Variants in ADAMTS14 observed in about 807,000 individuals in gnomAD.
ADAMTS14 encodes ADAM metallopeptidase with thrombospondin type 1 motif 14.
In ADAMTS14, 100 loss-of-function variants were observed where a neutral mutation model predicts 128.6. The observed-to-expected ratio is 0.78, with a 90% CI of 0.66 to 0.92. The LOEUF (loss-of-function observed/expected upper bound fraction) is 0.92, where lower values mean the gene tolerates loss of function less well. Among genes scored for constraint, ADAMTS14 ranks in the 40% least tolerant of loss-of-function variants. The pLI, the probability that ADAMTS14 is intolerant of heterozygous loss-of-function variation, is 0.00. For synonymous variants in ADAMTS14, 665 were observed against 653.8 expected, an observed-to-expected ratio of 1.02 and a Z score of -0.26; for missense variants, 1,562 against 1,658.6, an observed-to-expected ratio of 0.94 and a Z score of 1.01.
chr10:70,752,684 G>A (rs1264682916), intron 18 of ADAMTS14, among the ~76,000 whole-genome samples: 5 of 152,164 alleles, frequency 3.3e-5, no homozygotes, highest in Non-Finnish European at 5.9e-5. Flanking sequence ...GACTGAGGCC[G>A]AGGGTGGCTG....
chr10:70,741,184 C>T (rs772962007), intron 12 of ADAMTS14, 22 bp downstream of exon 12: 2 of 1,609,504 alleles, frequency 1.2e-6, no homozygotes, highest in Non-Finnish European at 1.7e-6. Context: ...CCACCCCCCT[C>T]CCACTCCATG....
chr10:70,749,645 G>A (rs1268318698), intron 15 of ADAMTS14, among the ~76,000 whole-genome samples, 177 bp from the exon 16 acceptor site: 2 of 149,764 alleles, frequency 1.3e-5, no homozygotes, highest in African/African-American at 4.9e-5. Context: ...GTGCGCGCAC[G>A]TGGGTTTGAC....
intron 2 of ADAMTS14, among the ~76,000 whole-genome samples, chr10:70,679,666 G>A (rs868089977): frequency 6.6e-6 from 1 of 152,260 alleles, no homozygotes; most frequent in South Asian, 2.1e-4. Context: ...GGTGACGGGA[G>A]CTTGGCTGCA....
intron 3 of ADAMTS14, among the ~76,000 whole-genome samples, chr10:70,707,682 C>A (rs1840707997): frequency 6.6e-6 from 1 of 152,250 alleles, no homozygotes; most frequent in African/African-American, 2.4e-5. Flanking sequence ...TACTTAACAT[C>A]TTTGAACTTC....
Position 70,760,584 on chromosome 10 carries a change from G to A in ADAMTS14, c.3403G>A (p.Gly1135Arg). Residue 1135 changes from glycine to arginine, a missense_variant, in exon 22 of 22, where the codon GGA (glycine) becomes AGA (arginine). By Grantham distance (125) the Gly-to-Arg change is moderately radical (BLOSUM62 -2). Coordinates refer to ENST00000373207, the MANE Select transcript of ADAMTS14 (RefSeq NM_080722.4). ...QDPADAAEPPGKPTGSEDHQH... is the reference protein window; with the variant it reads ...QDPADAAEPPRKPTGSEDHQH... ...CCCTGCAGATGCTGCAGAGCCTCCT[G>A]GAAAGCCAACGGGATCAGAGGACCA... 6.2e-7 allele frequency: 1 copy of A among 1,613,894 alleles called. No homozygotes were observed. The highest frequency in any genetic ancestry group is 1.1e-5 in the South Asian group (1 of 91,062).
intron 8 of ADAMTS14, among the ~76,000 whole-genome samples, chr10:70,734,724 A>C (rs147924813): frequency 0.018 from 2,669 of 152,242 alleles, 31 homozygotes; most frequent in Non-Finnish European, 0.03. Context: ...AGGCAGAGAT[A>C]TAGTCACTAG....
chr10:70,744,257 C>T lies in ADAMTS14; in HGVS notation c.2182+68C>T, dbSNP rs902996811. On this transcript the variant is annotated intron_variant, in intron 14 of 21. Coordinates refer to ENST00000373207, the MANE Select transcript of ADAMTS14 (RefSeq NM_080722.4). The stretch of plus-strand genomic sequence containing the variant: ...AGTTCTTGCCGTCCCTCAGGGGGCC[C>T]TCCCTCCTTGAACTGTGCCACAGTC... The T allele has an allele frequency of 2.1e-6, 3 of 1,457,684 alleles. No individual in the cohort carries two copies. The African/African-American group carries it at 4.3e-5, about 21-fold the overall frequency. The allele number at this position is 1,457,684 out of a possible 1,614,324, so 90.3% of individuals were successfully genotyped here.
At chr10:70,744,222 G>A in intron 14 of ADAMTS14, 33 bp downstream of exon 14, 1 of 1,486,092 alleles carries the variant, frequency 6.7e-7, no homozygotes, top group Non-Finnish European at 9.0e-7. Context: ...GGATGACGAG[G>A]GCTGACTGGA....
intron 18 of ADAMTS14, among the ~76,000 whole-genome samples, chr10:70,752,651 G>C (rs1431971556): frequency 1.3e-5 from 2 of 152,160 alleles, no homozygotes; most frequent in South Asian, 2.1e-4. Flanking sequence ...CCTCCACCAG[G>C]CTTCCCTAGT....
At chr10:70,699,607 A>C (rs1382371765) in intron 2 of ADAMTS14, among the ~76,000 whole-genome samples, 2 of 152,144 alleles carry the variant, frequency 1.3e-5, no homozygotes, top group Non-Finnish European at 2.9e-5. Flanking sequence ...ATTGTGGGCC[A>C]GAAGGAGGGG....
intron 6 of ADAMTS14, among the ~76,000 whole-genome samples, chr10:70,731,091 C>CACACAT (rs1554820562): frequency 5.1e-4 from 77 of 151,006 alleles, no homozygotes; most frequent in South Asian, 1.9e-3. Context: ...CACACACACA[C>CACACAT]GTACAGACAT....
chr10:70,698,636 G>A (rs1840403148), intron 2 of ADAMTS14, among the ~76,000 whole-genome samples: 3 of 152,218 alleles, frequency 2.0e-5, no homozygotes, highest in Admixed American at 2.0e-4. Context: ...GCACGCAATG[G>A]GACAAGGACC....
intron 14 of ADAMTS14, among the ~76,000 whole-genome samples, chr10:70,744,636 C>G (rs935916226): frequency 6.6e-6 from 1 of 152,210 alleles, no homozygotes; most frequent in Admixed American, 6.5e-5. Flanking sequence ...ACTTTCCTCT[C>G]TACCTCCAAT....
chr10:70,750,909 G>T (rs1842330433), intron 16 of ADAMTS14, among the ~76,000 whole-genome samples: 1 of 152,156 alleles, frequency 6.6e-6, no homozygotes, highest in African/African-American at 2.4e-5. Flanking sequence ...GAAAAGAACA[G>T]AGGGGCAAAT....
At chr10:70,729,578 G>A (rs1290505250) in intron 5 of ADAMTS14, among the ~76,000 whole-genome samples, 1 of 152,116 alleles carries the variant, frequency 6.6e-6, no homozygotes, top group East Asian at 1.9e-4. Context: ...CCTACAATCT[G>A]AGAAACTGAC....
rs778750921 is a variant in ADAMTS14, at chr10:70,753,937, G to A, written c.2867G>A (p.Arg956Gln). The A allele has an allele frequency of 1.0e-5, 16 of 1,587,630 alleles. No homozygotes were observed. The highest frequency in any genetic ancestry group is 6.9e-5 in the South Asian group (6 of 86,592). ...CCGGCCAAAGCCTGCGCCGGGGACCGGCCTGAGGCCCGACGGCCCTGTCTC... is the reference window on the plus strand; with the variant it reads ...CCGGCCAAAGCCTGCGCCGGGGACCAGCCTGAGGCCCGACGGCCCTGTCTC... ...VMPAKACAGD[R>Q]PEARRPCLRV... is the part of the protein sequence containing the mutation. Residue 956 changes from arginine to glutamine, a missense_variant, in exon 19 of 22, where the codon CGG (arginine) becomes CAG (glutamine). Physicochemically the swap from Arg to Gln is conservative, Grantham distance 43. Transcript: ENST00000373207.
intron 4 of ADAMTS14, among the ~76,000 whole-genome samples, chr10:70,725,891 G>A (rs539292564): frequency 6.6e-6 from 1 of 152,052 alleles, no homozygotes; most frequent in Admixed American, 6.5e-5. Context: ...TCCAGGGATC[G>A]TTCCAGCTCC....
At chr10:70,682,064 A>T (rs1475231940) in intron 2 of ADAMTS14, among the ~76,000 whole-genome samples, 1 of 152,156 alleles carries the variant, frequency 6.6e-6, no homozygotes, top group Non-Finnish European at 1.5e-5. Context: ...CACTTGATGT[A>T]TGTCCCATTT....
chr10:70,710,515 A>ACTT (rs1840817132), intron 4 of ADAMTS14, among the ~76,000 whole-genome samples: 1 of 152,210 alleles, frequency 6.6e-6, no homozygotes, highest in African/African-American at 2.4e-5. Context: ...GCCGGGATAG[A>ACTT]ATCACCTTAT....
Sources: allele counts gnomAD v4.1 joint callset (sites outside exome capture counted in the v4.1 genomes callset), GRCh38; gene constraint gnomAD v4.1.1; transcripts MANE v1.5; gene names NCBI Gene and HGNC (gene_info 2026-07-23, HGNC 2026-07-21).